TAPT1: variants seen among roughly 807,000 people sequenced by gnomAD.
The protein encoded by TAPT1 is transmembrane anterior posterior transformation 1, also known as transmembrane anterior posterior transformation protein 1 homolog.
In TAPT1, 28 loss-of-function variants were observed where a neutral mutation model predicts 65.6. The observed-to-expected ratio is 0.43, with a 90% CI of 0.32 to 0.59. The LOEUF (loss-of-function observed/expected upper bound fraction) is 0.59, where lower values mean the gene tolerates loss of function less well. TAPT1 is among the 20% of genes least tolerant of loss of function. TAPT1 has a pLI of 0.09. For synonymous variants in TAPT1, 278 were observed against 245.2 expected (o/e 1.13, Z -1.25); for missense variants, 563 against 679.9 (o/e 0.83, Z 1.91).
rs997751962 is a variant in TAPT1 at position 16,162,700 on chromosome 4, T to C, written c.*608A>G. 4 of 95,098 alleles carry C rather than the reference T, an allele frequency of 4.2e-5. No homozygotes were observed. Among genetic ancestry groups the C allele is most frequent in the African/African-American group, 1.8e-4 (4 of 22,824 alleles). 5.9% of individuals were successfully genotyped at this position (95,098 alleles called of 1,614,324 possible). A position where few individuals can be genotyped will look rare whatever the true frequency, so the allele number is the denominator to read the frequency against. On this transcript the variant is annotated 3_prime_UTR_variant, in exon 14 of 14. Coordinates refer to ENST00000405303, the MANE Select transcript of TAPT1 (RefSeq NM_153365.3). ...TATTTTTTTAATAAATAAACTAGTTTAGCATTTTTTTTTAACCCTACAAAA... is the reference window on the plus strand; with the variant it reads ...TATTTTTTTAATAAATAAACTAGTTCAGCATTTTTTTTTAACCCTACAAAA...
chr4:16,169,556 AAAC>A (rs1355877166), intron 12 of TAPT1, among the ~76,000 whole-genome samples: 1 of 152,250 alleles, frequency 6.6e-6, no homozygotes, highest in Non-Finnish European at 1.5e-5. Flanking sequence ...TCATTCAAAC[AAAC>A]AACAGGCAAT....
chr4:16,186,984 G>T (rs926729814), intron 5 of TAPT1, 106 bp from the exon 6 acceptor site: 9 of 653,902 alleles, frequency 1.4e-5, no homozygotes, highest in Non-Finnish European at 2.1e-5. Flanking sequence ...TTTCTAAATT[G>T]TCTTAATAAG....
At chr4:16,201,170 T>C (rs934528122) in intron 3 of TAPT1, among the ~76,000 whole-genome samples, 3 of 152,182 alleles carry the variant, frequency 2.0e-5, no homozygotes, top group Non-Finnish European at 4.4e-5. Flanking sequence ...TTCCAATTTA[T>C]ACTGGGAGGA....
At chr4:16,174,094 T>C (rs1748173761) in intron 11 of TAPT1, 110 bp downstream of exon 11, 2 of 943,802 alleles carry the variant, frequency 2.1e-6, no homozygotes, top group Non-Finnish European at 3.1e-6. Context: ...TTATTTACCC[T>C]TAATTTTTAT....
rs961331730 is a variant in TAPT1, at chr4:16,185,159, CT to C, written c.916+1375del. On this transcript the variant is annotated intron_variant, in intron 7 of 13. Transcript: ENST00000405303. ...CTTGGGCAGGGAAGGGGCCAAAGTT[CT>C]TTTTTTTTTAACCTTTATCCAACTG... Among the ~76,000 whole-genome samples the C allele has an allele frequency of 4.8e-3, 705 of 147,030 alleles. 1 individual carries two copies. The highest frequency in any genetic ancestry group is 8.2e-3 in the South Asian group (38 of 4,636).
In TAPT1 at chr4:16,188,349, C is replaced by T. The variant is rs1229075149; in HGVS notation, c.619G>A (p.Asp207Asn). The change falls in exon 5 of 14, where the codon GAT (aspartate) becomes AAT (asparagine). Residue 207 changes from aspartate to asparagine, a missense_variant. Physicochemically the swap from Asp to Asn is conservative, Grantham distance 23. This residue lies in a region of TAPT1 where 217 missense variants were observed against 317.5 expected (regional missense o/e 0.68). Coordinates refer to ENST00000405303, the MANE Select transcript of TAPT1 (RefSeq NM_153365.3). ...YIIYNMLEVADRLFSSFGQDI... is the reference protein window; with the variant it reads ...YIIYNMLEVANRLFSSFGQDI... ...TGTCCAAAAGATGAAAACAGACGAT[C>T]AGCTACCTAAAAAAAAAAATTATTT... 4 of 1,570,372 alleles carry T rather than the reference C, an allele frequency of 2.5e-6. No individual in the cohort carries two copies. The highest frequency in any genetic ancestry group is 3.4e-6 in the Non-Finnish European group (4 of 1,165,286).
intron 7 of TAPT1, among the ~76,000 whole-genome samples, chr4:16,184,848 T>C (rs1249950081): frequency 6.6e-6 from 1 of 152,256 alleles, no homozygotes; most frequent in African/African-American, 2.4e-5. Context: ...GTTTGTTATA[T>C]ATTCAGAAAA....
chr4:16,205,094 G>C (rs950365592), intron 2 of TAPT1, among the ~76,000 whole-genome samples: 7 of 151,592 alleles, frequency 4.6e-5, no homozygotes, highest in Non-Finnish European at 1.0e-4. Flanking sequence ...AAAAACGCCA[G>C]CCTCTTTCTG....
intron 12 of TAPT1, among the ~76,000 whole-genome samples, chr4:16,169,317 G>T (rs1186719114): frequency 6.6e-6 from 1 of 152,158 alleles, no homozygotes. Context: ...TTCAGATGTA[G>T]CATATACATG....
Position 16,226,340 on chromosome 4 carries a change from G to T in TAPT1, c.118C>A (p.Pro40Thr). The T allele has an allele frequency of 4.5e-6, 5 of 1,117,074 alleles. No homozygotes were observed. The highest frequency in any genetic ancestry group is 5.5e-6 in the Non-Finnish European group (5 of 915,122). The allele number at this position is 1,117,074 out of a possible 1,614,324, so 69.2% of individuals were successfully genotyped here. ...TCTGTGAGCTGAGGCGCCGGCGGGG[G>T]CCCCTGTCCGCCGCTGCCGCCCGGC... ...EQPGGSGGQGPPPAPQLTETL... is the reference protein window; with the variant it reads ...EQPGGSGGQGTPPAPQLTETL... The change falls in exon 1 of 14, where the codon CCC becomes ACC. Residue 40 changes from proline to threonine, a missense_variant. By Grantham distance (38) the Pro-to-Thr change is conservative. Around this residue, in one of 5 missense-constraint regions of TAPT1, gnomAD observed 103 missense variants for 89.4 expected, o/e 1.15. Coordinates refer to ENST00000405303, the MANE Select transcript of TAPT1 (RefSeq NM_153365.3).
rs73130470 is a variant in TAPT1, at chr4:16,220,906, G to A, written c.199+5353C>T. 7.3e-3 allele frequency among the ~76,000 whole-genome samples: 1,103 copies of A among 151,946 alleles called. 12 individuals are homozygous for A. Among genetic ancestry groups the A allele is most frequent in the African/African-American group, 0.025 (1,016 of 41,428 alleles). ...CCCAGTGGCACAATCTTGGCTCACT[G>A]TATTTTTTATAGAGACAGGGTTTCA... On this transcript the variant is annotated intron_variant, in intron 1 of 13. Coordinates refer to ENST00000405303, the MANE Select transcript of TAPT1 (RefSeq NM_153365.3).
chr4:16,161,118 C>A lies in TAPT1; in HGVS notation c.*2190G>T, dbSNP rs892452910. 1 of 152,220 alleles carries A rather than the reference C, an allele frequency of 6.6e-6. No individual in the cohort carries two copies. The highest frequency in any genetic ancestry group is 1.5e-5 in the Non-Finnish European group (1 of 68,028). The allele number at this position is 152,220 out of a possible 1,614,324, so 9.4% of individuals were successfully genotyped here. ...ATATTAAATGGTCTATAATCAAGGC[C>A]GAGCCTATTTTTTCCAAAGACAAAA... is the stretch of plus-strand genomic sequence containing the variant. On this transcript the variant is annotated 3_prime_UTR_variant, in exon 14 of 14. Coordinates refer to ENST00000405303, the MANE Select transcript of TAPT1 (RefSeq NM_153365.3).
At chr4:16,224,337 T>TA (rs1436985340) in intron 1 of TAPT1, among the ~76,000 whole-genome samples, 2 of 152,182 alleles carry the variant, frequency 1.3e-5, no homozygotes, top group Non-Finnish European at 2.9e-5. Flanking sequence ...TAATTGTTTC[T>TA]AGTGGGGAAA....
intron 1 of TAPT1, among the ~76,000 whole-genome samples, chr4:16,216,933 C>T (rs1331159191): frequency 6.6e-6 from 1 of 152,204 alleles, no homozygotes; most frequent in East Asian, 1.9e-4. Context: ...CCCAGAACCT[C>T]TACAACTGGA....
Position 16,186,543 on chromosome 4 carries a change from G to C in TAPT1, c.908C>G (p.Ser303Ter). 2.6e-6 allele frequency: 4 copies of C among 1,530,986 alleles called. No homozygotes were observed. Among genetic ancestry groups the C allele is most frequent in the Non-Finnish European group, 3.5e-6 (4 of 1,128,028 alleles). 94.8% of individuals were successfully genotyped at this position (1,530,986 alleles called of 1,614,324 possible). The change falls in exon 7 of 14, where the codon TCA (serine) becomes TGA (stop). Residue 303 changes from serine (S) to a stop codon, truncating the protein, a stop_gained. Transcript: ENST00000405303. LOFTEE classifies it high-confidence loss of function. ...AATCTAATTGTACATACCGCTATTT[G>C]ACATTTGAAAGAGATTGTTCTTTTC... ...KFEKNNLFQM[S>*]NSDIKERFTN... is the part of the protein sequence containing the mutation.
intron 11 of TAPT1, among the ~76,000 whole-genome samples, chr4:16,172,206 G>A (rs1190465656): frequency 6.6e-6 from 1 of 152,038 alleles, no homozygotes; most frequent in African/African-American, 2.4e-5. Flanking sequence ...CTCATTTAAA[G>A]AATAAAACAA....
At chr4:16,197,600 C>T (rs980779382) in intron 3 of TAPT1, among the ~76,000 whole-genome samples, 32 of 152,086 alleles carry the variant, frequency 2.1e-4, no homozygotes, top group African/African-American at 7.0e-4. Flanking sequence ...AAGGATGTTT[C>T]GTACCTCTAA....
intron 3 of TAPT1, among the ~76,000 whole-genome samples, chr4:16,197,749 G>C (rs950175300): frequency 6.6e-6 from 1 of 152,136 alleles, no homozygotes; most frequent in African/African-American, 2.4e-5. Context: ...CCTCGTTCAA[G>C]AAGTTTCTCA....
At chr4:16,167,083 C>G (rs1303938692) in intron 12 of TAPT1, among the ~76,000 whole-genome samples, 2 of 150,884 alleles carry the variant, frequency 1.3e-5, no homozygotes, top group African/African-American at 4.9e-5. Flanking sequence ...CAACCTCCGC[C>G]TCCTGGGTTC....
Sources: gnomAD v4.1 joint callset for allele counts (sites outside exome capture counted in the v4.1 genomes callset) on GRCh38, gnomAD v4.1.1 for gene constraint, gnomAD v4.1.1 regional missense constraint, MANE v1.5 for transcripts, NCBI Gene and HGNC (gene_info 2026-07-23, HGNC 2026-07-21) for gene names.